PDE4D: variants seen among roughly 807,000 people sequenced by gnomAD.
PDE4D encodes phosphodiesterase 4D, also known as 3',5'-cyclic-AMP phosphodiesterase 4D.
In PDE4D, 24 loss-of-function variants were observed where a neutral mutation model predicts 87.4. The observed-to-expected ratio is 0.27, with a 90% CI of 0.20 to 0.39. PDE4D has a LOEUF of 0.39. PDE4D is among the 10% of genes least tolerant of loss of function. PDE4D has a pLI of 1.00. For synonymous variants in PDE4D, 384 were observed against 383.2 expected, an observed-to-expected ratio of 1.00 and a Z score of -0.02; for missense variants, 714 against 1,041.0, an observed-to-expected ratio of 0.69 and a Z score of 4.32.
intron 1 of PDE4D, among the ~76,000 whole-genome samples, chr5:59,424,722 T>G (rs1408753218): frequency 6.6e-6 from 1 of 152,102 alleles, no homozygotes; most frequent in Admixed American, 6.5e-5. Context: ...ATGTGGAGAT[T>G]AAGGGAACTA....
chr5:58,973,221 A>G lies in PDE4D; in HGVS notation c.*1443T>C, dbSNP rs1371467924. 1 of 152,214 alleles carries G rather than the reference A, an allele frequency of 6.6e-6. No individual in the cohort carries two copies. Among genetic ancestry groups the G allele is most frequent in the Non-Finnish European group, 1.5e-5 (1 of 68,034 alleles). 9.4% of individuals were successfully genotyped at this position (152,214 alleles called of 1,614,324 possible). On this transcript the variant is annotated 3_prime_UTR_variant, in exon 15 of 15. Transcript: ENST00000340635. Reference sequence around the variant, plus strand: ...GCTGTTTAACTTTTCTCTGTAAACCAAGAGTAAAAGCTAGTCATGATATAC... The same window carrying G: ...GCTGTTTAACTTTTCTCTGTAAACCGAGAGTAAAAGCTAGTCATGATATAC...
At chr5:59,203,204 A>T (rs1007675578) in intron 2 of PDE4D, among the ~76,000 whole-genome samples, 3 of 152,024 alleles carry the variant, frequency 2.0e-5, no homozygotes, top group Admixed American at 2.0e-4. Context: ...TCAAAACAAG[A>T]CCTACAAAAA....
chr5:60,020,384 T>C (rs532611836), intron 2 of PDE4D, among the ~76,000 whole-genome samples: 1 of 152,328 alleles, frequency 6.6e-6, no homozygotes, highest in South Asian at 2.1e-4. Context: ...ATACACTTGT[T>C]AGATGTAGAG....
chr5:59,766,134 G>C (rs983590544), intron 1 of PDE4D, among the ~76,000 whole-genome samples: 15 of 152,200 alleles, frequency 9.9e-5, no homozygotes, highest in African/African-American at 3.6e-4. Context: ...AACTGTGAAA[G>C]CACAAATGAG....
At chr5:60,400,521 CAAAAAAA>C (rs56750243) in intron 1 of PDE4D, among the ~76,000 whole-genome samples, 13,160 of 62,214 alleles carry the variant, frequency 0.21, 943 homozygotes, top group East Asian at 0.52. Flanking sequence ...GACTCCATCT[CAAAAAAA>C]AAAAAAAAAA....
In PDE4D at chr5:59,729,281, T is replaced by C. The variant is rs530317314; in HGVS notation, c.455+163887A>G. 2.2e-4 allele frequency among the ~76,000 whole-genome samples: 34 copies of C among 152,254 alleles called. No homozygotes were observed. The East Asian group carries it at 5.8e-3, about 26-fold the overall frequency. On this transcript the variant is annotated intron_variant, in intron 1 of 14. Transcript: ENST00000340635. ...GAGAGCCTCAATGTTTAATATAGCATCTACTCCAATGGTTCTGAAACACTA... is the reference window on the plus strand; with the variant it reads ...GAGAGCCTCAATGTTTAATATAGCACCTACTCCAATGGTTCTGAAACACTA...
At chr5:59,510,034 C>G (rs1810013759) in intron 1 of PDE4D, among the ~76,000 whole-genome samples, 2 of 149,580 alleles carry the variant, frequency 1.3e-5, no homozygotes, top group South Asian at 4.2e-4. Context: ...AGAATAGGTA[C>G]TATACAAATA....
intron 5 of PDE4D, among the ~76,000 whole-genome samples, chr5:59,152,650 C>T (rs1052743643): frequency 2.6e-5 from 4 of 151,930 alleles, no homozygotes; most frequent in African/African-American, 7.3e-5. Flanking sequence ...TTGACTAGGT[C>T]GTTTGATGGG....
intron 1 of PDE4D, among the ~76,000 whole-genome samples, chr5:59,588,821 G>A (rs1422087289): frequency 6.6e-6 from 1 of 152,138 alleles, no homozygotes; most frequent in Non-Finnish European, 1.5e-5. Context: ...CCTAGGCAGT[G>A]TCCTCATGAC....
At chr5:60,408,737 G>A (rs1183738367) in intron 1 of PDE4D, among the ~76,000 whole-genome samples, 1 of 152,150 alleles carries the variant, frequency 6.6e-6, no homozygotes, top group Non-Finnish European at 1.5e-5. Flanking sequence ...AAGAGGCAGT[G>A]CTAGCCCACT....
chr5:60,467,230 G>A (rs1038782806), intron 1 of PDE4D, among the ~76,000 whole-genome samples: 2 of 151,934 alleles, frequency 1.3e-5, no homozygotes, highest in African/African-American at 4.8e-5. Flanking sequence ...AGTAGAGACG[G>A]GGTTTCACCA....
At chr5:59,953,951 G>A (rs1343190136) in intron 3 of PDE4D, among the ~76,000 whole-genome samples, 3 of 152,162 alleles carry the variant, frequency 2.0e-5, no homozygotes, top group African/African-American at 4.8e-5. Flanking sequence ...TTGAGACAGA[G>A]TTTTGCTCTT....
intron 1 of PDE4D, among the ~76,000 whole-genome samples, chr5:60,317,709 A>G (rs1310991069): frequency 6.6e-6 from 1 of 152,180 alleles, no homozygotes; most frequent in African/African-American, 2.4e-5. Flanking sequence ...ATTGGTTTCA[A>G]AGAACATCTT....
At chr5:59,321,822 G>A (rs1774776171) in intron 1 of PDE4D, among the ~76,000 whole-genome samples, 1 of 152,098 alleles carries the variant, frequency 6.6e-6, no homozygotes, top group Admixed American at 6.6e-5. Flanking sequence ...CATGTCACCG[G>A]TCCCTCTTAA....
At chr5:59,200,297 ATGTG>A (rs1379233479) in intron 2 of PDE4D, among the ~76,000 whole-genome samples, 5 of 107,336 alleles carry the variant, frequency 4.7e-5, no homozygotes, top group Non-Finnish European at 1.8e-5. Context: ...ATACATACAT[ATGTG>A]TATGTACAGC....
At chr5:60,229,781 T>G (rs1447609177) in intron 1 of PDE4D, among the ~76,000 whole-genome samples, 1 of 152,138 alleles carries the variant, frequency 6.6e-6, no homozygotes, top group African/African-American at 2.4e-5. Context: ...GAACTGCAGT[T>G]TAGAAGTAGT....
chr5:60,443,598 C>A (rs1314333784), intron 1 of PDE4D, among the ~76,000 whole-genome samples: 1 of 152,106 alleles, frequency 6.6e-6, no homozygotes, highest in Non-Finnish European at 1.5e-5. Context: ...AAACAAGGTT[C>A]ATTTGCCCAG....
intron 1 of PDE4D, among the ~76,000 whole-genome samples, chr5:60,249,180 G>A (rs376600111): frequency 1.3e-5 from 2 of 152,124 alleles, no homozygotes; most frequent in East Asian, 3.9e-4. Context: ...GTTGTCTAAG[G>A]GAGGTACAAT....
intron 1 of PDE4D, among the ~76,000 whole-genome samples, chr5:59,824,912 C>G (rs970967264): frequency 6.6e-6 from 1 of 152,160 alleles, no homozygotes; most frequent in Non-Finnish European, 1.5e-5. Context: ...AGCATTATAC[C>G]TGTTTTCTTA....
Sources: allele counts gnomAD v4.1 joint callset (sites outside exome capture counted in the v4.1 genomes callset), GRCh38; gene constraint gnomAD v4.1.1; transcripts MANE v1.5; gene names NCBI Gene and HGNC (gene_info 2026-07-23, HGNC 2026-07-21).